LEPR: variants seen among roughly 807,000 people sequenced by gnomAD.
The protein encoded by LEPR is OB receptor.
Under a neutral mutation model 114.7 loss-of-function variants are expected in LEPR, and 56 were observed. The observed-to-expected ratio is 0.49, with a 90% CI of 0.39 to 0.61. The LOEUF (loss-of-function observed/expected upper bound fraction) is 0.61. LEPR is among the 20% of genes least tolerant of loss of function. LEPR has a pLI of 0.00. For synonymous variants in LEPR, 443 were observed against 461.4 expected, an observed-to-expected ratio of 0.96 and a Z score of 0.51; for missense variants, 1,202 against 1,352.9, an observed-to-expected ratio of 0.89 and a Z score of 1.75.
intron 6 of LEPR, among the ~76,000 whole-genome samples, chr1:65,593,666 CTTCT>C (rs1389066145): frequency 6.6e-6 from 1 of 152,138 alleles, no homozygotes; most frequent in East Asian, 1.9e-4. Context: ...TCAAGCTTTA[CTTCT>C]TTCTAAGTTA....
chr1:65,465,486 A>G (rs1472561120), intron 2 of LEPR, among the ~76,000 whole-genome samples: 1 of 152,222 alleles, frequency 6.6e-6, no homozygotes, highest in South Asian at 2.1e-4. Flanking sequence ...TGGTGCTGGG[A>G]GGAATGTATA....
At chr1:65,450,459 A>G (rs898352823) in intron 2 of LEPR, among the ~76,000 whole-genome samples, 9 of 137,216 alleles carry the variant, frequency 6.6e-5, no homozygotes, top group African/African-American at 2.5e-4. Context: ...CCAGAGTGTG[A>G]TGTTCCCCTT....
intron 2 of LEPR, among the ~76,000 whole-genome samples, chr1:65,510,451 G>C (rs1200438742): frequency 6.6e-6 from 1 of 152,122 alleles, no homozygotes; most frequent in African/African-American, 2.4e-5. Context: ...CAGAACCTAG[G>C]GCCAAGACTT....
chr1:65,594,138 A>G (rs1655889461), intron 6 of LEPR, among the ~76,000 whole-genome samples: 1 of 152,042 alleles, frequency 6.6e-6, no homozygotes, highest in Non-Finnish European at 1.5e-5. Flanking sequence ...TATTATTTCT[A>G]CTATGTAGAT....
Position 65,634,505 on chromosome 1 carries a change from C to T in LEPR, c.2674-1686C>T, listed in dbSNP as rs891904494. On this transcript the variant is annotated intron_variant, in intron 19 of 19. Coordinates refer to ENST00000349533, the MANE Select transcript of LEPR (RefSeq NM_002303.6). ...ATATACTTTTAATAAAGTTTTATAACTCACTGACAAAACATATTTCAATAG... is the reference window on the plus strand; with the variant it reads ...ATATACTTTTAATAAAGTTTTATAATTCACTGACAAAACATATTTCAATAG... The T allele has an allele frequency of 4.0e-5, 38 of 940,418 alleles. No individual in the cohort carries two copies. In the African/African-American group the frequency reaches 6.6e-4, roughly 16 times the overall value. The allele number at this position is 940,418 out of a possible 1,614,324, so 58.3% of individuals were successfully genotyped here.
rs1271412301 is a variant in LEPR at position 65,638,223 on chromosome 1, A to G, written c.*1208A>G. Reference sequence around the variant, plus strand: ...AAATTAGCTGAGTGTGACAGAAAAAATAAAGATTATAAAATGTATTAAGTA... The same window carrying G: ...AAATTAGCTGAGTGTGACAGAAAAAGTAAAGATTATAAAATGTATTAAGTA... On this transcript the variant is annotated 3_prime_UTR_variant, in exon 20 of 20. Transcript: ENST00000349533. 1.3e-5 allele frequency: 2 copies of G among 152,188 alleles called. No homozygotes were observed. Among genetic ancestry groups the G allele is most frequent in the African/African-American group, 2.4e-5 (1 of 41,454 alleles). The allele number at this position is 152,188 out of a possible 1,614,324, so 9.4% of individuals were successfully genotyped here.
At chr1:65,568,748 A>T (rs140579639) in intron 3 of LEPR, among the ~76,000 whole-genome samples, 1 of 152,302 alleles carries the variant, frequency 6.6e-6, no homozygotes, top group East Asian at 1.9e-4. Flanking sequence ...AGAAATCTAC[A>T]CATTGTTTTC....
chr1:65,466,397 G>A (rs1052379304), intron 2 of LEPR, among the ~76,000 whole-genome samples: 6 of 152,216 alleles, frequency 3.9e-5, no homozygotes, highest in African/African-American at 1.4e-4. Context: ...GAGATCCGCT[G>A]TTAGTCTGAT....
intron 13 of LEPR, 33 bp downstream of exon 13, chr1:65,610,139 G>A: frequency 6.2e-7 from 1 of 1,614,152 alleles, no homozygotes; most frequent in Non-Finnish European, 8.5e-7. Flanking sequence ...TGTTTTGAAA[G>A]TGCATAAGTG....
chr1:65,546,935 G>T (rs1229984428), intron 2 of LEPR, among the ~76,000 whole-genome samples: 1 of 152,172 alleles, frequency 6.6e-6, no homozygotes, highest in African/African-American at 2.4e-5. Flanking sequence ...GTATGATATT[G>T]GCTGTGGATT....
At chr1:65,548,823 C>T (rs922023686) in intron 2 of LEPR, among the ~76,000 whole-genome samples, 23 of 152,022 alleles carry the variant, frequency 1.5e-4, no homozygotes, top group Non-Finnish European at 2.9e-4. Flanking sequence ...AAGTTAATAT[C>T]GTTATGTGTG....
intron 2 of LEPR, among the ~76,000 whole-genome samples, chr1:65,447,110 T>A (rs1226154280): frequency 2.0e-5 from 3 of 152,076 alleles, no homozygotes; most frequent in African/African-American, 7.2e-5. Context: ...AGGATTAAAT[T>A]TATCATCTTT....
intron 2 of LEPR, among the ~76,000 whole-genome samples, chr1:65,553,489 C>A (rs1243920393): frequency 6.6e-6 from 1 of 152,002 alleles, no homozygotes; most frequent in Non-Finnish European, 1.5e-5. Flanking sequence ...GACATCCTTT[C>A]TTCCGCTTGT....
chr1:65,587,058 G>C (rs796186404), intron 5 of LEPR, among the ~76,000 whole-genome samples: 31 of 152,048 alleles, frequency 2.0e-4, no homozygotes, highest in African/African-American at 7.2e-4. Context: ...GGATGGCTTT[G>C]GCAAGACCAT....
chr1:65,458,877 C>G (rs1292260207), intron 2 of LEPR, among the ~76,000 whole-genome samples: 2 of 152,070 alleles, frequency 1.3e-5, no homozygotes, highest in East Asian at 3.8e-4. Flanking sequence ...CATTTCTTTT[C>G]AGTCTTTCTT....
chr1:65,604,788 C>T (rs539777571), intron 10 of LEPR, among the ~76,000 whole-genome samples: 51 of 152,256 alleles, frequency 3.3e-4, no homozygotes, highest in African/African-American at 1.2e-3. Context: ...GGAGCAGAAC[C>T]CTATTGTGAA....
At chr1:65,434,584 C>A (rs1646533176) in intron 2 of LEPR, 13 of 985,304 alleles carry the variant, frequency 1.3e-5, no homozygotes, top group Non-Finnish European at 1.6e-5. Context: ...ACTGAAGGTG[C>A]CTGCCTGAGT....
At position 65,428,490 on chromosome 1, in the gene LEPR, A is replaced by G. The variant is rs183058209; in HGVS notation, c.-21+3112A>G. On this transcript the variant is annotated intron_variant, in intron 2 of 19. Transcript: ENST00000349533. ...TGTTTGGTGATTCTTGAAACATACT[A>G]TCATCCCTCTAGTTTAAAATCAGGG... is the stretch of plus-strand genomic sequence containing the variant. Among the ~76,000 whole-genome samples, 49 of 152,340 alleles carry G rather than the reference A, an allele frequency of 3.2e-4. No individual in the cohort carries two copies. The East Asian group carries it at 8.5e-3, about 26-fold the overall frequency.
At position 65,565,553 on chromosome 1, in the gene LEPR, T is replaced by C. The variant is rs373871220; in HGVS notation, c.-13T>C. ...TAGATTTACCTTTTCCAGGTGTACTTCTCTGAAGTAAGATGATTTGTCAAA... is the reference window on the plus strand; with the variant it reads ...TAGATTTACCTTTTCCAGGTGTACTCCTCTGAAGTAAGATGATTTGTCAAA... On this transcript the variant is annotated 5_prime_UTR_variant, in exon 3 of 20. Transcript: ENST00000349533. 1.9e-6 allele frequency: 3 copies of C among 1,613,784 alleles called. No individual in the cohort carries two copies. In the African/African-American group the frequency reaches 4.0e-5, roughly 22 times the overall value.
Sources: gnomAD v4.1 joint callset for allele counts (sites outside exome capture counted in the v4.1 genomes callset) on GRCh38, gnomAD v4.1.1 for gene constraint, MANE v1.5 for transcripts, NCBI Gene and HGNC (gene_info 2026-07-23, HGNC 2026-07-21) for gene names.